Variants in TSPAN11 observed in about 807,000 individuals in gnomAD.
TSPAN11 encodes tetraspanin 11, also known as tetraspanin-11.
In TSPAN11, 29 loss-of-function variants were observed where a neutral mutation model predicts 32.9. That is an observed-to-expected ratio of 0.88 (90% CI 0.66 to 1.20). TSPAN11 has a LOEUF of 1.20. TSPAN11 is among the 50% of genes most tolerant of loss of function. The pLI, the probability that TSPAN11 is intolerant of heterozygous loss-of-function variation, is 0.00. For synonymous variants in TSPAN11, 140 were observed against 141.3 expected (o/e 0.99, Z 0.07); for missense variants, 283 against 329.1 (o/e 0.86, Z 1.08).
chr12:31,007,193 AT>A, the TSPAN11 span, among the ~76,000 whole-genome samples: 3 of 152,052 alleles, frequency 2.0e-5, no homozygotes, highest in African/African-American at 7.2e-5. Flanking sequence ...TATCTTACCC[AT>A]TTTTTTTCCC....
chr12:30,956,886 G>T (rs1938488688), intron 2 of TSPAN11, among the ~76,000 whole-genome samples: 1 of 152,238 alleles, frequency 6.6e-6, no homozygotes, highest in African/African-American at 2.4e-5. Flanking sequence ...TCCCTTGCCT[G>T]GAGAGGCTGC....
At chr12:30,955,262 CT>C (rs1440236234) in intron 2 of TSPAN11, 1 of 152,162 alleles carries the variant, frequency 6.6e-6, no homozygotes, top group Non-Finnish European at 1.5e-5. Context: ...TCACTTTTAT[CT>C]TCCTGGGCAA....
At chr12:30,990,178 G>A (rs1382536962) in intron 7 of TSPAN11, among the ~76,000 whole-genome samples, 3 of 152,172 alleles carry the variant, frequency 2.0e-5, no homozygotes, top group South Asian at 2.1e-4. Flanking sequence ...GCATGTGGAC[G>A]CAGTGATGAG....
intron 3 of TSPAN11, among the ~76,000 whole-genome samples, chr12:30,977,201 G>A (rs1246623600): frequency 6.6e-6 from 1 of 152,244 alleles, no homozygotes; most frequent in African/African-American, 2.4e-5. Context: ...GCTCCCTGCT[G>A]AGTCGTGCAG....
rs1470658868 is a variant in TSPAN11 at position 30,994,216 on chromosome 12, G to A, written c.*2301G>A. 1 of 152,368 alleles carries A rather than the reference G, an allele frequency of 6.6e-6. No individual in the cohort carries two copies. Among genetic ancestry groups the A allele is most frequent in the Non-Finnish European group, 1.5e-5 (1 of 68,158 alleles). 9.4% of individuals were successfully genotyped at this position (152,368 alleles called of 1,614,324 possible). A position where few individuals can be genotyped will look rare whatever the true frequency, so the allele number is the denominator to read the frequency against. On this transcript the variant is annotated 3_prime_UTR_variant, in exon 8 of 8. Transcript: ENST00000546076. ...TCTGCCTGGGAGTGTACAATGGTTG[G>A]AGTCCAGAGCCAACGATGTGGTCCC...
intron 1 of TSPAN11, among the ~76,000 whole-genome samples, chr12:30,930,646 T>C: frequency 6.6e-6 from 1 of 152,084 alleles, no homozygotes; most frequent in East Asian, 1.9e-4. Flanking sequence ...AGAAGAGGGG[T>C]ACGGAGCGCC....
At chr12:31,005,093 C>G in the TSPAN11 span, among the ~76,000 whole-genome samples, 1 of 152,314 alleles carries the variant, frequency 6.6e-6, no homozygotes, top group East Asian at 1.9e-4. Context: ...TTTGTCCTGA[C>G]TGAGACTGAA....
intron 3 of TSPAN11, among the ~76,000 whole-genome samples, chr12:30,965,697 A>G (rs1938716748): frequency 6.6e-6 from 1 of 152,076 alleles, no homozygotes; most frequent in African/African-American, 2.4e-5. Flanking sequence ...ATGCACATCA[A>G]CTCACTCAGT....
the TSPAN11 span, among the ~76,000 whole-genome samples, chr12:31,003,999 A>G: frequency 6.6e-6 from 1 of 152,192 alleles, no homozygotes; most frequent in South Asian, 2.1e-4. Context: ...CTGGGTGGCC[A>G]TGACTCAGCC....
chr12:30,967,222 T>C (rs537728308), intron 3 of TSPAN11, among the ~76,000 whole-genome samples: 7 of 152,336 alleles, frequency 4.6e-5, no homozygotes, highest in South Asian at 2.1e-4. Flanking sequence ...TCCAGGCTGA[T>C]CCATGAAGAA....
the TSPAN11 span, among the ~76,000 whole-genome samples, chr12:31,009,307 A>G: frequency 6.6e-6 from 1 of 151,982 alleles, no homozygotes; most frequent in Non-Finnish European, 1.5e-5. Flanking sequence ...CCGACCCCCT[A>G]TTGCTCTGCA....
intron 1 of TSPAN11, among the ~76,000 whole-genome samples, chr12:30,943,359 C>T (rs1938205373): frequency 1.3e-5 from 2 of 152,238 alleles, no homozygotes; most frequent in South Asian, 2.1e-4. Flanking sequence ...TATCCACTTA[C>T]TGTTCTGTGC....
At chr12:30,962,216 TG>T (rs1473609178) in intron 2 of TSPAN11, among the ~76,000 whole-genome samples, 1 of 150,186 alleles carries the variant, frequency 6.7e-6, no homozygotes, top group Non-Finnish European at 1.5e-5. Flanking sequence ...GTAGCCCAGA[TG>T]GTGTCCTTCC....
chr12:30,929,114 A>G (rs900881660), intron 1 of TSPAN11, among the ~76,000 whole-genome samples: 2 of 152,222 alleles, frequency 1.3e-5, no homozygotes, highest in East Asian at 1.9e-4. Context: ...GCTCGGGGTC[A>G]ATCTAAGTTA....
chr12:30,957,242 C>CG (rs1491288321), intron 2 of TSPAN11, among the ~76,000 whole-genome samples: 1 of 114,154 alleles, frequency 8.8e-6, no homozygotes, highest in African/African-American at 3.8e-5. Context: ...CCCCCCCCCC[C>CG]ACACCATGGT....
chr12:30,963,038 G>A (rs1022768194), intron 2 of TSPAN11, among the ~76,000 whole-genome samples: 2 of 152,178 alleles, frequency 1.3e-5, no homozygotes, highest in Non-Finnish European at 2.9e-5. Context: ...AGTTTCTAAG[G>A]AGGCATCCCC....
At chr12:31,006,490 C>T in the TSPAN11 span, among the ~76,000 whole-genome samples, 1 of 152,258 alleles carries the variant, frequency 6.6e-6, no homozygotes, top group African/African-American at 2.4e-5. Flanking sequence ...CTTATGGCCT[C>T]CTCAAGGGCC....
the TSPAN11 span, among the ~76,000 whole-genome samples, chr12:31,013,318 G>A: frequency 6.6e-6 from 1 of 152,228 alleles, no homozygotes; most frequent in African/African-American, 2.4e-5. Context: ...TCCAGGTAGG[G>A]AGCAGTGGCT....
chr12:30,933,929 C>T (rs1009261882), intron 1 of TSPAN11, among the ~76,000 whole-genome samples: 7 of 152,156 alleles, frequency 4.6e-5, no homozygotes, highest in Non-Finnish European at 8.8e-5. Context: ...CTTCCCTTCA[C>T]ACCTACACAC....
Sources: allele counts gnomAD v4.1 joint callset (sites outside exome capture counted in the v4.1 genomes callset), GRCh38; gene constraint gnomAD v4.1.1; transcripts MANE v1.5; gene names NCBI Gene and HGNC (gene_info 2026-07-23, HGNC 2026-07-21).